IGSF21: variants seen among roughly 807,000 people sequenced by gnomAD.
IGSF21 encodes the protein immunoglobin superfamily member 21, also known as immunoglobulin superfamily member 21.
In IGSF21, 28 loss-of-function variants were observed where a neutral mutation model predicts 46.8. The observed-to-expected ratio is 0.60, with a 90% CI of 0.44 to 0.82. The LOEUF (loss-of-function observed/expected upper bound fraction) is 0.82. IGSF21 is among the 40% of genes least tolerant of loss of function. The pLI, the probability that IGSF21 is intolerant of heterozygous loss-of-function variation, is 0.00. For missense variants in IGSF21, 624 were observed against 665.5 expected (o/e 0.94, Z 0.69); for synonymous variants, 284 against 273.6 (o/e 1.04, Z -0.38).
intron 2 of IGSF21, among the ~76,000 whole-genome samples, chr1:18,268,314 G>A (rs2085009479): frequency 6.6e-6 from 1 of 152,228 alleles, no homozygotes; most frequent in Non-Finnish European, 1.5e-5. Context: ...GACCCACAGG[G>A]CAGGGCTCTT....
At chr1:18,129,618 G>A (rs2086300862) in intron 1 of IGSF21, among the ~76,000 whole-genome samples, 1 of 152,206 alleles carries the variant, frequency 6.6e-6, no homozygotes, top group African/African-American at 2.4e-5. Context: ...GGGCTGGTGA[G>A]GAGGGAGCCA....
chr1:18,254,865 TC>T (rs2084875815), intron 2 of IGSF21, among the ~76,000 whole-genome samples: 1 of 151,862 alleles, frequency 6.6e-6, no homozygotes, highest in African/African-American at 2.4e-5. Flanking sequence ...CATTCATCCA[TC>T]CATCCATCCA....
chr1:18,376,777 C>A, intron 7 of IGSF21, 23 bp from the exon 8 acceptor site: 1 of 1,563,604 alleles, frequency 6.4e-7, no homozygotes, highest in South Asian at 1.2e-5. Context: ...TGTGACCCAC[C>A]TCTCCCCTGA....
chr1:18,294,224 G>T (rs2124568072), intron 3 of IGSF21, among the ~76,000 whole-genome samples: 1 of 152,258 alleles, frequency 6.6e-6, no homozygotes, highest in South Asian at 2.1e-4. Context: ...GCACTAAGAG[G>T]CTAGCTGCAA....
intron 1 of IGSF21, among the ~76,000 whole-genome samples, chr1:18,165,487 A>G (rs2086669404): frequency 6.6e-6 from 1 of 152,192 alleles, no homozygotes; most frequent in Non-Finnish European, 1.5e-5. Flanking sequence ...TACTTCTCTA[A>G]AGGCCCTACA....
intron 2 of IGSF21, among the ~76,000 whole-genome samples, chr1:18,263,299 C>T (rs1208108384): frequency 6.6e-6 from 1 of 152,144 alleles, no homozygotes; most frequent in African/African-American, 2.4e-5. Context: ...CTTTCTCAAC[C>T]TACTTGCATC....
At chr1:18,286,189 G>A (rs910464697) in intron 2 of IGSF21, among the ~76,000 whole-genome samples, 2 of 152,148 alleles carry the variant, frequency 1.3e-5, no homozygotes, top group South Asian at 2.1e-4. Flanking sequence ...CATGCTGAGC[G>A]GTCAGCTCTG....
rs1368722051 is a variant in IGSF21, at chr1:18,334,626, A to G, written c.306-266A>G. Among the ~76,000 whole-genome samples, 2 of 152,316 alleles carry G rather than the reference A, an allele frequency of 1.3e-5. No homozygotes were observed. The highest frequency in any genetic ancestry group is 4.8e-5 in the African/African-American group (2 of 41,576). On this transcript the variant is annotated intron_variant, in intron 3 of 9. Coordinates refer to ENST00000251296, the MANE Select transcript of IGSF21 (RefSeq NM_032880.5). This position sits in a 1 kb window ranked among gnomAD's most constrained non-coding sequence, Gnocchi z 4.3. ...GCACCATCCCAGGCTCATGGAAGCC[A>G]ACAGGCTAAATAACTGCTCCAGGAC... is the stretch of plus-strand genomic sequence containing the variant.
intron 1 of IGSF21, among the ~76,000 whole-genome samples, chr1:18,122,722 G>A (rs186749131): frequency 1.3e-5 from 2 of 150,470 alleles, no homozygotes; most frequent in African/African-American, 4.9e-5. Flanking sequence ...CTGGGTTTAA[G>A]CAATTCTCCT....
At position 18,365,526 on chromosome 1, in the gene IGSF21, G is replaced by T; in HGVS notation, c.844G>T (p.Glu282Ter). 1 of 1,613,936 alleles carries T rather than the reference G, an allele frequency of 6.2e-7. No individual in the cohort carries two copies. The highest frequency in any genetic ancestry group is 1.1e-5 in the South Asian group (1 of 91,064). The change falls in exon 6 of 10, where the codon GAG becomes TAG. Residue 282 changes from glutamate (E) to a stop codon, truncating the protein, a stop_gained. Coordinates refer to ENST00000251296, the MANE Select transcript of IGSF21 (RefSeq NM_032880.5). LOFTEE classifies it high-confidence loss of function. The surrounding 1 kb of genome is among the most constrained non-coding windows in gnomAD (Gnocchi z 4.8). ...REFPRWVHSA[E>*]PTYFLRHSRT... ...GTTTCCCCGCTGGGTCCACAGCGCC[G>T]AGCCCACCTACTTCCTGCGCCACAG... is the stretch of plus-strand genomic sequence containing the variant.
At chr1:18,240,847 C>T (rs573400592) in intron 2 of IGSF21, among the ~76,000 whole-genome samples, 2 of 152,282 alleles carry the variant, frequency 1.3e-5, no homozygotes, top group South Asian at 4.1e-4. Flanking sequence ...GCTATTGACC[C>T]TATTTGTTTC....
chr1:18,333,243 T>G (rs2085732411), intron 3 of IGSF21, among the ~76,000 whole-genome samples: 1 of 152,174 alleles, frequency 6.6e-6, no homozygotes, highest in Non-Finnish European at 1.5e-5. Flanking sequence ...TGAGAACTTC[T>G]AAGACTTAAA....
At chr1:18,202,551 C>G (rs1456890364) in intron 1 of IGSF21, among the ~76,000 whole-genome samples, 1 of 152,144 alleles carries the variant, frequency 6.6e-6, no homozygotes, top group Non-Finnish European at 1.5e-5. Context: ...GAGAAGCAAG[C>G]ACCTTCTTCA....
chr1:18,357,066 GGAGATA>G (rs1355996856), intron 4 of IGSF21, among the ~76,000 whole-genome samples: 1 of 151,136 alleles, frequency 6.6e-6, no homozygotes, highest in African/African-American at 2.4e-5. Context: ...AGGATGGGAT[GGAGATA>G]GAGATAGAGG....
chr1:18,189,018 C>A (rs2086930410), intron 1 of IGSF21, among the ~76,000 whole-genome samples: 1 of 152,146 alleles, frequency 6.6e-6, no homozygotes, highest in African/African-American at 2.4e-5. Context: ...CCTGGGCTCA[C>A]CCTGGGTGAG....
intron 3 of IGSF21, among the ~76,000 whole-genome samples, chr1:18,292,195 C>T (rs1276636830): frequency 2.0e-5 from 3 of 152,212 alleles, no homozygotes; most frequent in African/African-American, 7.2e-5. Flanking sequence ...GCCAGGCCAC[C>T]GCTCTTCTGA....
chr1:18,340,095 A>G (rs1341297837), intron 4 of IGSF21, among the ~76,000 whole-genome samples: 12 of 152,228 alleles, frequency 7.9e-5, no homozygotes, highest in Non-Finnish European at 4.4e-5. Context: ...GCCCACGTAC[A>G]TGGACATTCT....
At chr1:18,249,154 T>TG (rs2124525005) in intron 2 of IGSF21, among the ~76,000 whole-genome samples, 1 of 152,228 alleles carries the variant, frequency 6.6e-6, no homozygotes, top group South Asian at 2.1e-4. Context: ...GTGAGATGCT[T>TG]GAACCTTACC....
At chr1:18,339,448 T>C (rs899993780) in intron 4 of IGSF21, among the ~76,000 whole-genome samples, 1 of 152,190 alleles carries the variant, frequency 6.6e-6, no homozygotes, top group African/African-American at 2.4e-5. Context: ...AAAACTCCGA[T>C]GGTCCTGGCA....
Sources: gnomAD v4.1 joint callset for allele counts (sites outside exome capture counted in the v4.1 genomes callset) on GRCh38, gnomAD v4.1.1 for gene constraint, Gnocchi (gnomAD v3.1) non-coding constraint, MANE v1.5 for transcripts, NCBI Gene and HGNC (gene_info 2026-07-23, HGNC 2026-07-21) for gene names.